The following SLC7A7 variants were observed in gnomAD, a reference collection of about 807,000 sequenced individuals.
The protein encoded by SLC7A7 is Y+L amino acid transporter 1.
Under a neutral mutation model 47.9 loss-of-function variants are expected in SLC7A7, and 39 were observed. The ratio of observed to expected loss-of-function variants is 0.81; its 90% CI spans 0.63 to 1.06. The LOEUF (loss-of-function observed/expected upper bound fraction) is 1.06, where lower values mean the gene tolerates loss of function less well. Ranked by LOEUF, SLC7A7 falls within the 50% of genes least tolerant of loss-of-function variation. SLC7A7 has a pLI of 0.00. For synonymous variants in SLC7A7, 234 were observed against 242.8 expected (o/e 0.96, Z 0.34); for missense variants, 588 against 632.0 (o/e 0.93, Z 0.75).
chr14:22,810,164 T>C (rs1308003825), intron 2 of SLC7A7, among the ~76,000 whole-genome samples: 1 of 151,030 alleles, frequency 6.6e-6, no homozygotes, highest in Non-Finnish European at 1.5e-5. Context: ...ACAAAGATAG[T>C]TAAAATAATA....
At chr14:22,804,906 C>G (rs1321034079) in intron 2 of SLC7A7, among the ~76,000 whole-genome samples, 1 of 152,162 alleles carries the variant, frequency 6.6e-6, no homozygotes, top group Non-Finnish European at 1.5e-5. Flanking sequence ...ACTCAGGAGG[C>G]TAAGGCAGGA....
Position 22,778,831 on chromosome 14 carries a change from G to A in SLC7A7, c.732C>T (p.Thr244=), listed in dbSNP as rs758362364. The part of the protein sequence containing the change: ...SALFSYSGWD[T]LNYVTEEIKN... Reference sequence around the variant, plus strand: ...TGATCTCTTCAGTGACATAGTTGAGGGTGTCCCAGCCTGAGTAGGAGAACA... The same window carrying A: ...TGATCTCTTCAGTGACATAGTTGAGAGTGTCCCAGCCTGAGTAGGAGAACA... The change falls in exon 4 of 10, where the codon ACC becomes ACT. Residue 244 remains threonine, a synonymous_variant. Coordinates refer to ENST00000674313, the MANE Select transcript of SLC7A7 (RefSeq NM_003982.4). 3 of 1,614,034 alleles carry A rather than the reference G, an allele frequency of 1.9e-6. No individual in the cohort carries two copies. The highest frequency in any genetic ancestry group is 1.7e-6 in the Non-Finnish European group (2 of 1,180,042).
intron 2 of SLC7A7, among the ~76,000 whole-genome samples, chr14:22,800,443 A>G (rs1054938580): frequency 6.6e-6 from 1 of 152,206 alleles, no homozygotes; most frequent in Non-Finnish European, 1.5e-5. Flanking sequence ...CTACCTATAG[A>G]GTATGACAGA....
chr14:22,801,345 T>A (rs1288339731), intron 2 of SLC7A7, among the ~76,000 whole-genome samples: 1 of 152,036 alleles, frequency 6.6e-6, no homozygotes, highest in Non-Finnish European at 1.5e-5. Flanking sequence ...ACACTCCTCT[T>A]CTACTCTTGA....
chr14:22,815,560 C>T (rs1013799365), upstream of SLC7A7: 1 of 453,988 alleles, frequency 2.2e-6, no homozygotes, highest in African/African-American at 2.0e-5. Flanking sequence ...GGTTCACTGG[C>T]CCTTCACATC....
chr14:22,792,424 T>C (rs988091878), intron 2 of SLC7A7, among the ~76,000 whole-genome samples: 1 of 152,012 alleles, frequency 6.6e-6, no homozygotes. Context: ...TTAGCTGGAC[T>C]TGGTGGTGCA....
intron 2 of SLC7A7, among the ~76,000 whole-genome samples, chr14:22,795,981 G>C (rs2039016071): frequency 6.6e-6 from 1 of 152,144 alleles, no homozygotes; most frequent in Admixed American, 6.6e-5. Context: ...GCAGCATAAA[G>C]GTCTACCCCT....
chr14:22,780,102 C>A (rs1343145468), intron 2 of SLC7A7, 51 bp from the exon 3 acceptor site: 2 of 1,611,056 alleles, frequency 1.2e-6, no homozygotes, highest in Non-Finnish European at 1.7e-6. Flanking sequence ...ACCCTAGGGC[C>A]TTAGACTCCC....
At chr14:22,783,419 T>C (rs1300361284) in intron 2 of SLC7A7, among the ~76,000 whole-genome samples, 1 of 134,980 alleles carries the variant, frequency 7.4e-6, no homozygotes, top group East Asian at 2.0e-4. Context: ...TTTTTTTTTT[T>C]CGAGACAGTC....
chr14:22,815,551 G>T (rs752363101), upstream of SLC7A7: 6 of 454,034 alleles, frequency 1.3e-5, no homozygotes, highest in African/African-American at 8.0e-5. Flanking sequence ...TGGGTCCAAG[G>T]TTCACTGGCC....
At chr14:22,776,076 G>A (rs547467907) in intron 5 of SLC7A7, 119 bp downstream of exon 5, 39 of 1,492,596 alleles carry the variant, frequency 2.6e-5, no homozygotes, top group East Asian at 2.3e-4. Context: ...TTGCAAGCCC[G>A]GTATTCTAAA....
chr14:22,786,370 G>A (rs955523480), intron 2 of SLC7A7, among the ~76,000 whole-genome samples: 1 of 152,024 alleles, frequency 6.6e-6, no homozygotes, highest in Non-Finnish European at 1.5e-5. Flanking sequence ...ACTCCTTCAG[G>A]CTAAAACCCA....
chr14:22,805,405 C>T (rs1426704830), intron 2 of SLC7A7, among the ~76,000 whole-genome samples: 1 of 152,070 alleles, frequency 6.6e-6, no homozygotes, highest in Non-Finnish European at 1.5e-5. Flanking sequence ...AAATGTGGTA[C>T]ATATATACCA....
chr14:22,797,721 G>A (rs766964695), intron 2 of SLC7A7, among the ~76,000 whole-genome samples: 7 of 152,130 alleles, frequency 4.6e-5, no homozygotes, highest in Non-Finnish European at 1.0e-4. Context: ...CCCTGACAAT[G>A]AAATCAGCAA....
rs1409678063 is a variant in SLC7A7, at chr14:22,813,244, C to T, written c.155G>A (p.Gly52Asp). The T allele has an allele frequency of 6.2e-7, 1 of 1,613,838 alleles. No individual in the cohort carries two copies. The highest frequency in any genetic ancestry group is 2.2e-5 in the East Asian group (1 of 44,874). ...CTTGGGGGAAACAAAGATGCCCGAG[C>T]CGATCATGTTCCCCACAATCAGGCA... ...GVCLIVGNMI[G>D]SGIFVSPKGV... is the part of the protein sequence containing the mutation. Residue 52 changes from glycine to aspartate, a missense_variant, in exon 2 of 10, where the codon GGC becomes GAC. Gly to Asp is a moderately conservative substitution (Grantham distance 94). Coordinates refer to ENST00000674313, the MANE Select transcript of SLC7A7 (RefSeq NM_003982.4).
chr14:22,806,832 C>T (rs2039217939), intron 2 of SLC7A7, among the ~76,000 whole-genome samples: 1 of 151,222 alleles, frequency 6.6e-6, no homozygotes, highest in South Asian at 2.1e-4. Flanking sequence ...AGGCTGGAGG[C>T]AGGGCTTTAC....
At chr14:22,812,313 C>T (rs898056646) in intron 2 of SLC7A7, among the ~76,000 whole-genome samples, 1 of 151,800 alleles carries the variant, frequency 6.6e-6, no homozygotes, top group South Asian at 2.1e-4. Flanking sequence ...ATTACAGGCA[C>T]CTGCCACCAC....
rs56796512 is a variant in SLC7A7, at chr14:22,792,919, C to T, written c.500-12868G>A. On this transcript the variant is annotated intron_variant, in intron 2 of 9. Transcript: ENST00000674313. ...AGAAAGGAAAAGAAAAGAAAAATAT[C>T]TTTTTTTTTTTTTTAAAGACAGAGT... Among the ~76,000 whole-genome samples, 176 of 132,106 alleles carry T rather than the reference C, an allele frequency of 1.3e-3. 2 individuals are homozygous for T. The highest frequency in any genetic ancestry group is 4.1e-3 in the African/African-American group (148 of 36,104). 86.7% of individuals were successfully genotyped at this position (132,106 alleles called of 152,430 possible).
chr14:22,795,400 T>TGC (rs773125311), intron 2 of SLC7A7, among the ~76,000 whole-genome samples: 19 of 99,708 alleles, frequency 1.9e-4, no homozygotes, highest in Middle Eastern at 4.9e-3. Flanking sequence ...CTTTCTTTCT[T>TGC]TCTTTCTTTC....
Sources: gnomAD v4.1 joint callset for allele counts (sites outside exome capture counted in the v4.1 genomes callset) on GRCh38, gnomAD v4.1.1 for gene constraint, MANE v1.5 for transcripts, NCBI Gene and HGNC (gene_info 2026-07-23, HGNC 2026-07-21) for gene names.